DCAKD: variants seen among roughly 807,000 people sequenced by gnomAD.
DCAKD encodes the protein dephospho-CoA kinase domain-containing protein.
A neutral mutation model predicts 18.7 loss-of-function variants in DCAKD; 15 were observed. That is an observed-to-expected ratio of 0.80 (90% confidence interval 0.54 to 1.24). The LOEUF (loss-of-function observed/expected upper bound fraction) is 1.24, where lower values mean the gene tolerates loss of function less well. Among genes scored for constraint, DCAKD ranks in the 50% most tolerant of loss-of-function variants. The pLI, the probability that DCAKD is intolerant of heterozygous loss-of-function variation, is 0.00. For synonymous variants in DCAKD, 130 were observed against 133.0 expected, an observed-to-expected ratio of 0.98 and a Z score of 0.16; for missense variants, 301 against 322.0, an observed-to-expected ratio of 0.93 and a Z score of 0.50.
intron 1 of DCAKD, among the ~76,000 whole-genome samples, chr17:45,058,618 C>T (rs1467611775): frequency 3.3e-5 from 5 of 151,360 alleles, no homozygotes; most frequent in Non-Finnish European, 5.9e-5. Context: ...GACGGGGTTT[C>T]GCCACGTTGG....
chr17:45,026,121 G>C (rs1412320503), intron 4 of DCAKD, among the ~76,000 whole-genome samples: 1 of 151,312 alleles, frequency 6.6e-6, no homozygotes, highest in African/African-American at 2.4e-5. Flanking sequence ...ATTTCACCAT[G>C]TTGGCCAGGC....
intron 1 of DCAKD, among the ~76,000 whole-genome samples, chr17:45,040,159 G>A (rs1302232753): frequency 2.0e-5 from 3 of 151,492 alleles, no homozygotes; most frequent in Non-Finnish European, 2.9e-5. Flanking sequence ...AGGCCAAGGC[G>A]GGAGGATCAC....
chr17:45,042,416 C>T (rs1450047995), intron 1 of DCAKD, among the ~76,000 whole-genome samples: 1 of 152,208 alleles, frequency 6.6e-6, no homozygotes, highest in African/African-American at 2.4e-5. Context: ...CCCCATTCAA[C>T]AGACCCGCCC....
At chr17:45,049,670 T>C (rs2053645676) in intron 1 of DCAKD, among the ~76,000 whole-genome samples, 2 of 150,314 alleles carry the variant, frequency 1.3e-5, no homozygotes, top group Non-Finnish European at 3.0e-5. Context: ...TCTAAAGCTA[T>C]CAATCTAAAA....
At chr17:45,060,435 GGATACCT>G (rs1392364869) in intron 1 of DCAKD, among the ~76,000 whole-genome samples, 1 of 152,048 alleles carries the variant, frequency 6.6e-6, no homozygotes, top group Non-Finnish European at 1.5e-5. Context: ...TGAGGTGGGA[GGATACCT>G]TGATTGCAGT....
At position 45,024,148 on chromosome 17, in the gene DCAKD, A is replaced by AG; in HGVS notation, c.*284_*285insC. On this transcript the variant is annotated 3_prime_UTR_variant, in exon 5 of 5. Coordinates refer to ENST00000651974, the MANE Select transcript of DCAKD (RefSeq NM_001288655.2). ...AGCAGTCTCTGACTGTTGCTTTCAC[A>AG]CACCATCACGGTTGCTGTTCTGTAG... The AG allele has an allele frequency of 5.0e-6, 2 of 402,360 alleles. No individual in the cohort carries two copies. Among genetic ancestry groups the AG allele is most frequent in the Non-Finnish European group, 9.1e-6 (2 of 219,138 alleles). 24.9% of individuals were successfully genotyped at this position (402,360 alleles called of 1,614,324 possible). A position where few individuals can be genotyped will look rare whatever the true frequency, so the allele number is the denominator to read the frequency against.
chr17:45,030,294 A>G (rs145640733), intron 3 of DCAKD, 115 bp from the exon 4 acceptor site: 2 of 857,604 alleles, frequency 2.3e-6, no homozygotes, highest in African/African-American at 3.3e-5. Context: ...CCTTCCAAGG[A>G]CACACATACC....
chr17:45,036,884 C>CT (rs971241460), intron 1 of DCAKD, among the ~76,000 whole-genome samples: 4 of 152,148 alleles, frequency 2.6e-5, no homozygotes, highest in East Asian at 1.9e-4. Context: ...TGCCATAGGA[C>CT]TTTTTTTGTT....
At chr17:45,058,642 G>A (rs906580154) in intron 1 of DCAKD, among the ~76,000 whole-genome samples, 5 of 150,630 alleles carry the variant, frequency 3.3e-5, no homozygotes, top group African/African-American at 4.9e-5. Flanking sequence ...GGCTGGTCTC[G>A]AACTCCTGAC....
In DCAKD at chr17:45,034,909, C is replaced by A; in HGVS notation, c.-24G>T. 1 of 1,612,074 alleles carries A rather than the reference C, an allele frequency of 6.2e-7. No homozygotes were observed. The highest frequency in any genetic ancestry group is 8.5e-7 in the Non-Finnish European group (1 of 1,178,546). ...ATCTTCCAGGAAAGAGAGCTGTCCG[C>A]GAGACTACGGAGCCAGGAGCTACAG... is the stretch of plus-strand genomic sequence containing the variant. On this transcript the variant is annotated 5_prime_UTR_variant, in exon 2 of 5. Coordinates refer to ENST00000651974, the MANE Select transcript of DCAKD (RefSeq NM_001288655.2).
exon 1 of DCAKD, chr17:45,060,902 G>A (rs1330820009): frequency 2.1e-6 from 1 of 475,784 alleles, no homozygotes; most frequent in Non-Finnish European, 2.8e-6. Flanking sequence ...GAAACGTAAC[G>A]GTCCTTAACG....
At chr17:45,035,733 GGCCT>G (rs1344074378) in intron 1 of DCAKD, among the ~76,000 whole-genome samples, 1 of 152,052 alleles carries the variant, frequency 6.6e-6, no homozygotes, top group East Asian at 1.9e-4. Context: ...GGAAAGAAAT[GGCCT>G]GCCTGCAGCC....
At chr17:45,038,321 G>A (rs1185645058) in intron 1 of DCAKD, among the ~76,000 whole-genome samples, 2 of 152,082 alleles carry the variant, frequency 1.3e-5, no homozygotes, top group Non-Finnish European at 2.9e-5. Context: ...CAGGTGATCT[G>A]CCCACCCAGG....
intron 1 of DCAKD, among the ~76,000 whole-genome samples, chr17:45,047,191 T>C (rs552958931): frequency 6.6e-6 from 1 of 151,196 alleles, no homozygotes; most frequent in East Asian, 1.9e-4. Flanking sequence ...ACTTTTTCAA[T>C]GGTTACAGCC....
chr17:45,054,831 C>T (rs1267847887), upstream of DCAKD, among the ~76,000 whole-genome samples: 1 of 152,134 alleles, frequency 6.6e-6, no homozygotes, highest in African/African-American at 2.4e-5. Flanking sequence ...CCTGGCCTGT[C>T]CCCCCAAATT....
intron 3 of DCAKD, among the ~76,000 whole-genome samples, chr17:45,032,438 G>T (rs1488119867): frequency 6.6e-6 from 1 of 151,948 alleles, no homozygotes; most frequent in Non-Finnish European, 1.5e-5. Flanking sequence ...GTGGGGGGAG[G>T]TTGCTCACTC....
In DCAKD at chr17:45,034,218, C is replaced by T; in HGVS notation, c.285G>A (p.Met95Ile). The change falls in exon 3 of 5, where the codon ATG (methionine) becomes ATA (isoleucine). Residue 95 changes from methionine to isoleucine, a missense_variant. Physicochemically the swap from Met to Ile is conservative, Grantham distance 10. Coordinates refer to ENST00000651974, the MANE Select transcript of DCAKD (RefSeq NM_001288655.2). ...GGAAGTACTTGAACGTCTCCTTCAT[C>T]ATCTCCTTGCGAATCTCGGGGTGGG... is the stretch of plus-strand genomic sequence containing the variant. ...AITHPEIRKE[M>I]MKETFKYFLR... 6.2e-7 allele frequency: 1 copy of T among 1,614,076 alleles called. No homozygotes were observed. Among genetic ancestry groups the T allele is most frequent in the East Asian group, 2.2e-5 (1 of 44,884 alleles).
At chr17:45,040,581 T>C (rs1239259015) in intron 1 of DCAKD, among the ~76,000 whole-genome samples, 1 of 152,072 alleles carries the variant, frequency 6.6e-6, no homozygotes, top group Non-Finnish European at 1.5e-5. Context: ...AGCTGGATTC[T>C]GGGACCAATC....
chr17:45,033,838 C>T (rs2053225841), intron 3 of DCAKD: 1 of 1,219,182 alleles, frequency 8.2e-7, no homozygotes, highest in South Asian at 1.6e-5. Flanking sequence ...TGAAGTCACA[C>T]AGCTAGAAAG....
Sources: allele counts gnomAD v4.1 joint callset (sites outside exome capture counted in the v4.1 genomes callset), GRCh38; gene constraint gnomAD v4.1.1; transcripts MANE v1.5; gene names NCBI Gene and HGNC (gene_info 2026-07-23, HGNC 2026-07-21).